The following FKBP8 variants were observed in gnomAD, a reference collection of about 807,000 sequenced individuals.
The protein encoded by FKBP8 is peptidyl-prolyl cis-trans isomerase FKBP8.
A neutral mutation model predicts 41.7 loss-of-function variants in FKBP8; 5 were observed. That is an observed-to-expected ratio of 0.12 (90% CI 0.06 to 0.25). FKBP8 has a LOEUF of 0.25. FKBP8 is among the 10% of genes least tolerant of loss of function. FKBP8 has a pLI of 1.00. For missense variants in FKBP8, 397 were observed against 563.0 expected (o/e 0.71, Z 2.98); for synonymous variants, 279 against 254.5 (o/e 1.10, Z -0.92).
rs1279432129 is a variant in FKBP8, at chr19:18,539,787, C to A, written c.293-67G>T. 3.2e-6 allele frequency: 5 copies of A among 1,558,130 alleles called. No individual in the cohort carries two copies. The African/African-American group carries it at 5.4e-5, about 17-fold the overall frequency. On this transcript the variant is annotated intron_variant, in intron 2 of 8. Coordinates refer to ENST00000608443, the MANE Select transcript of FKBP8 (RefSeq NM_012181.5). ...CAAACAGGCACCCGCTCCCCTGAGC[C>A]CCCACTCCTACCCTCAGCTCTGCCC...
intron 2 of FKBP8, among the ~76,000 whole-genome samples, chr19:18,541,305 G>A (rs972815987): frequency 6.6e-6 from 1 of 152,250 alleles, no homozygotes; most frequent in East Asian, 1.9e-4. Context: ...TCGCTGTGTT[G>A]CCCAGGCTGG....
rs575496595 is a variant in FKBP8, at chr19:18,542,519, T to C, written c.-25-524A>G. On this transcript the variant is annotated intron_variant, in intron 1 of 8. Coordinates refer to ENST00000608443, the MANE Select transcript of FKBP8 (RefSeq NM_012181.5). The stretch of plus-strand genomic sequence containing the variant: ...GGAAATTGAATCTTTTACCAGGGCC[T>C]CCCACCTCCAGCCTCTTCTCCAAAG... 7.2e-5 allele frequency: 13 copies of C among 180,568 alleles called. No homozygotes were observed. The South Asian group carries it at 1.1e-3, about 15-fold the overall frequency. 11.2% of individuals were successfully genotyped at this position (180,568 alleles called of 1,614,324 possible).
intron 1 of FKBP8, chr19:18,542,630 C>A (rs1279081235): frequency 7.8e-6 from 2 of 256,650 alleles, no homozygotes; most frequent in Non-Finnish European, 1.6e-5. Context: ...TAACACTATC[C>A]CCCACAACCC....
Position 18,532,673 on chromosome 19 carries a change from C to T in FKBP8, c.1146G>A (p.Lys382=), listed in dbSNP as rs2145182560. 6.2e-7 allele frequency: 1 copy of T among 1,613,880 alleles called. No homozygotes were observed. Among genetic ancestry groups the T allele is most frequent in the East Asian group, 2.2e-5 (1 of 44,882 alleles). Residue 382 remains lysine, a synonymous_variant, in exon 8 of 9, where the codon AAG becomes AAA. Coordinates refer to ENST00000608443, the MANE Select transcript of FKBP8 (RefSeq NM_012181.5). ...PSRLPAKCPG[K]GAWSIPWKWL... ...CTGTGCCCCAGCTCACCCAGGCACC[C>T]TTGCCAGGGCACTTAGCAGGCAGCC...
chr19:18,537,886 C>G lies in FKBP8; in HGVS notation c.773-113G>C, dbSNP rs545827375. 2.2e-5 allele frequency: 26 copies of G among 1,193,456 alleles called. No individual in the cohort carries two copies. The highest frequency in any genetic ancestry group is 2.8e-5 in the Non-Finnish European group (24 of 854,936). 73.9% of individuals were successfully genotyped at this position (1,193,456 alleles called of 1,614,324 possible). On this transcript the variant is annotated intron_variant, in intron 5 of 8. Transcript: ENST00000608443. The surrounding 1 kb of genome is among the most constrained non-coding windows in gnomAD (Gnocchi z 4.4). ...GCCTCAGTTTCCCCAATTTTAACCC[C>G]GGACCAAGGGCCACGCTTTCCTGGG...
chr19:18,536,573 G>A (rs982950990), intron 6 of FKBP8, among the ~76,000 whole-genome samples: 4 of 152,120 alleles, frequency 2.6e-5, no homozygotes, highest in Admixed American at 6.6e-5. Flanking sequence ...TGGGCTCGTC[G>A]CAAATGTCTG....
At chr19:18,540,632 G>A (rs1217600465) in intron 2 of FKBP8, among the ~76,000 whole-genome samples, 1 of 151,976 alleles carries the variant, frequency 6.6e-6, no homozygotes, top group Non-Finnish European at 1.5e-5. Context: ...AGCACTTTAG[G>A]AGGCCAAGGC....
chr19:18,543,016 C>G (rs1251769498), intron 1 of FKBP8: 3 of 673,794 alleles, frequency 4.5e-6, no homozygotes, highest in African/African-American at 4.3e-5. Flanking sequence ...CCGCCCCCAG[C>G]ACGGGCCAGC....
chr19:18,539,671 C>T lies in FKBP8; in HGVS notation c.342G>A (p.Ser114=). ...KKTLVPGPPG[S]SRPVKGQVVT... ...CCACCTGGCCCTTGACCGGGCGGCTCGAACCTGGCGGCCCTGGGACCAGCG... is the reference window on the plus strand; with the variant it reads ...CCACCTGGCCCTTGACCGGGCGGCTTGAACCTGGCGGCCCTGGGACCAGCG... Residue 114 remains serine (S), a synonymous_variant, in exon 3 of 9, where the codon TCG becomes TCA. Transcript: ENST00000608443. 1.2e-6 allele frequency: 2 copies of T among 1,611,162 alleles called. No homozygotes were observed. The highest frequency in any genetic ancestry group is 1.7e-4 in the Middle Eastern group (1 of 6,056).
chr19:18,542,986 A>G (rs995176548), intron 1 of FKBP8: 1 of 583,540 alleles, frequency 1.7e-6, no homozygotes, highest in African/African-American at 6.4e-5. Context: ...CTCCCCTCCC[A>G]CCCCCCACCC....
Position 18,538,125 on chromosome 19 carries a change from C to T in FKBP8, c.772+91G>A. 2 of 1,349,626 alleles carry T rather than the reference C, an allele frequency of 1.5e-6. No homozygotes were observed. The highest frequency in any genetic ancestry group is 2.1e-6 in the Non-Finnish European group (2 of 974,668). 83.6% of individuals were successfully genotyped at this position (1,349,626 alleles called of 1,614,324 possible). ...ATATTCTGGGCTATTCTAGAATATTCTGAGTCTGAGGCTCTCTGGGGCTGG... is the reference window on the plus strand; with the variant it reads ...ATATTCTGGGCTATTCTAGAATATTTTGAGTCTGAGGCTCTCTGGGGCTGG... On this transcript the variant is annotated intron_variant, in intron 5 of 8. Transcript: ENST00000608443. The surrounding 1 kb of genome is among the most constrained non-coding windows in gnomAD (Gnocchi z 4.0).
intron 1 of FKBP8, chr19:18,542,904 G>A: frequency 7.8e-7 from 1 of 1,279,758 alleles, no homozygotes; most frequent in Non-Finnish European, 1.0e-6. Flanking sequence ...GCTCCTCCCG[G>A]GCTCGGAGCC....
intron 1 of FKBP8, chr19:18,542,746 G>A (rs1976734872): frequency 2.3e-6 from 1 of 436,462 alleles, no homozygotes. Flanking sequence ...GAGTGGTCGA[G>A]GTCCCACCAC....
At chr19:18,532,904 A>G in intron 7 of FKBP8, 109 bp from the exon 8 acceptor site, 2 of 1,508,654 alleles carry the variant, frequency 1.3e-6, no homozygotes, top group Non-Finnish European at 1.8e-6. Context: ...GTTGGGACAC[A>G]GGGGTCCCAT....
At chr19:18,539,790 C>A in intron 2 of FKBP8, 70 bp from the exon 3 acceptor site, 2 of 1,548,208 alleles carry the variant, frequency 1.3e-6, no homozygotes, top group Non-Finnish European at 1.8e-6. Flanking sequence ...CCTGAGCCCC[C>A]ACTCCTACCC....
Position 18,541,868 on chromosome 19 carries a change from C to T in FKBP8, c.103G>A (p.Gly35Ser). Residue 35 changes from glycine to serine, a missense_variant, in exon 2 of 9, where the codon GGT becomes AGT. Around this residue, in one of 2 missense-constraint regions of FKBP8, gnomAD observed 172 missense variants for 196.2 expected, o/e 0.88. Coordinates refer to ENST00000608443, the MANE Select transcript of FKBP8 (RefSeq NM_012181.5). The part of the protein sequence containing the change: ...EVLDGVEDAE[G>S]EEEEEEEEEE... ...TCTTCCTCCTCCTCTTCCTCCTCAC[C>T]CTCTGCATCCTCAACCCCATCCAGT... The T allele has an allele frequency of 6.2e-7, 1 of 1,613,672 alleles. No homozygotes were observed.
intron 1 of FKBP8, chr19:18,542,760 C>A: frequency 1.9e-6 from 1 of 531,490 alleles, no homozygotes; most frequent in Admixed American, 2.7e-5. Context: ...CCACCACATT[C>A]TACAGCCTCT....
At position 18,537,929 on chromosome 19, in the gene FKBP8, A is replaced by G. The variant is rs1199750395; in HGVS notation, c.773-156T>C. The G allele has an allele frequency of 3.7e-6, 3 of 819,556 alleles. No individual in the cohort carries two copies. Among genetic ancestry groups the G allele is most frequent in the Non-Finnish European group, 5.6e-6 (3 of 533,518 alleles). The allele number at this position is 819,556 out of a possible 1,614,324, so 50.8% of individuals were successfully genotyped here. On this transcript the variant is annotated intron_variant, in intron 5 of 8. Coordinates refer to ENST00000608443, the MANE Select transcript of FKBP8 (RefSeq NM_012181.5). This position sits in a 1 kb window ranked among gnomAD's most constrained non-coding sequence, Gnocchi z 4.4. ...TTCCTGGGGCTCTCCTGAGGAAGCT[A>G]CAAGATGGAGACTTAAGCAAGCGAG...
At position 18,537,465 on chromosome 19, in the gene FKBP8, G is replaced by T; in HGVS notation, c.945+136C>A. On this transcript the variant is annotated intron_variant, in intron 6 of 8. Coordinates refer to ENST00000608443, the MANE Select transcript of FKBP8 (RefSeq NM_012181.5). The surrounding 1 kb of genome is among the most constrained non-coding windows in gnomAD (Gnocchi z 4.4). ...CCAGGCCACACTCCTGCACCCGTCT[G>T]GGCCTCAGTTTCTCCACCTGCACCC... 1 of 752,368 alleles carries T rather than the reference G, an allele frequency of 1.3e-6. No individual in the cohort carries two copies. Among genetic ancestry groups the T allele is most frequent in the Non-Finnish European group, 2.0e-6 (1 of 498,742 alleles). The allele number at this position is 752,368 out of a possible 1,614,324, so 46.6% of individuals were successfully genotyped here.
Sources: allele counts gnomAD v4.1 joint callset (sites outside exome capture counted in the v4.1 genomes callset), GRCh38; gene constraint gnomAD v4.1.1; regional missense constraint gnomAD v4.1.1; non-coding constraint Gnocchi (gnomAD v3.1); transcripts MANE v1.5; gene names NCBI Gene and HGNC (gene_info 2026-07-23, HGNC 2026-07-21).